The following CCNY variants were observed in gnomAD, a reference collection of about 807,000 sequenced individuals.
The protein encoded by CCNY is cyclin Y.
In CCNY, 19 loss-of-function variants were observed where a neutral mutation model predicts 42.8. That is an observed-to-expected ratio of 0.44 (90% CI 0.31 to 0.65). CCNY has a LOEUF of 0.65. Among genes scored for constraint, CCNY ranks in the 30% least tolerant of loss-of-function variants. The probability of loss-of-function intolerance (pLI) is 0.07; values close to 1 mark genes in which losing one functional copy is unlikely to be tolerated. For synonymous variants in CCNY, 165 were observed against 162.7 expected (o/e 1.01, Z -0.11); for missense variants, 370 against 437.3 (o/e 0.85, Z 1.37).
At chr10:35,275,699 C>G (rs1306890768) in intron 3 of CCNY, among the ~76,000 whole-genome samples, 2 of 151,644 alleles carry the variant, frequency 1.3e-5, no homozygotes, top group African/African-American at 4.8e-5. Flanking sequence ...GGAGGCGGAG[C>G]TTGCAGTGAG....
At chr10:35,374,269 T>A (rs1228203533) in intron 1 of CCNY, among the ~76,000 whole-genome samples, 1 of 152,170 alleles carries the variant, frequency 6.6e-6, no homozygotes, top group Non-Finnish European at 1.5e-5. Context: ...TGGGGTTAAT[T>A]TTTTTTATTA....
At chr10:35,486,283 CAG>C (rs770269471) in intron 2 of CCNY, among the ~76,000 whole-genome samples, 43 of 152,298 alleles carry the variant, frequency 2.8e-4, no homozygotes, top group Non-Finnish European at 4.7e-4. Context: ...TAGCCATAAT[CAG>C]AGTATTTACA....
chr10:35,372,729 C>T (rs1313264231), intron 1 of CCNY, among the ~76,000 whole-genome samples: 1 of 152,168 alleles, frequency 6.6e-6, no homozygotes, highest in Admixed American at 6.5e-5. Flanking sequence ...GACGGAGTTT[C>T]ACTCTTGTTG....
chr10:35,411,251 G>A (rs1173217336), intron 1 of CCNY, among the ~76,000 whole-genome samples: 3 of 152,110 alleles, frequency 2.0e-5, no homozygotes, highest in South Asian at 2.1e-4. Flanking sequence ...GGTGGCTCAC[G>A]CATGTAATCC....
chr10:35,318,637 T>C (rs1422038172), intron 3 of CCNY, among the ~76,000 whole-genome samples: 3 of 152,146 alleles, frequency 2.0e-5, no homozygotes, highest in Non-Finnish European at 4.4e-5. Context: ...TATGTTTCCC[T>C]TTGGTAATAT....
chr10:35,406,619 A>T (rs533011058), intron 1 of CCNY, among the ~76,000 whole-genome samples: 1 of 152,270 alleles, frequency 6.6e-6, no homozygotes, highest in African/African-American at 2.4e-5. Context: ...AAAGTCTCCC[A>T]TGTCTACCTC....
intron 1 of CCNY, among the ~76,000 whole-genome samples, chr10:35,426,073 A>C (rs1838258874): frequency 6.8e-6 from 1 of 147,752 alleles, no homozygotes; most frequent in Admixed American, 6.8e-5. Flanking sequence ...TCCAAATTAA[A>C]CCCTGGCTCC....
intron 1 of CCNY, among the ~76,000 whole-genome samples, chr10:35,365,471 A>G (rs917093600): frequency 6.6e-6 from 1 of 152,096 alleles, no homozygotes; most frequent in African/African-American, 2.4e-5. Context: ...AAAAATGTTG[A>G]ATATTAAAAA....
chr10:35,270,687 C>A (rs913674701), intron 3 of CCNY, among the ~76,000 whole-genome samples: 5 of 151,626 alleles, frequency 3.3e-5, no homozygotes, highest in Non-Finnish European at 5.9e-5. Context: ...AATCTCTACC[C>A]CTTTTCGCAA....
At position 35,412,326 on chromosome 10, in the gene CCNY, C is replaced by T. The variant is rs1247510579; in HGVS notation, c.155-71078C>T. On this transcript the variant is annotated intron_variant, in intron 1 of 9. Transcript: ENST00000374704. ...TGCCTATAAAAAATTAGGCATTGTG[C>T]TAAGGCATGGAGGATTCAGAGATCA... 1.2e-4 allele frequency among the ~76,000 whole-genome samples: 19 copies of T among 152,118 alleles called. 1 individual carries two copies. The highest frequency in any genetic ancestry group is 1.2e-3 in the Admixed American group (19 of 15,272).
intron 8 of CCNY, among the ~76,000 whole-genome samples, chr10:35,556,318 G>A (rs1396283902): frequency 2.0e-5 from 3 of 152,212 alleles, no homozygotes; most frequent in Admixed American, 1.3e-4. Context: ...ATGGGGAGAT[G>A]CAGCTCAGGT....
At chr10:35,372,900 G>C (rs369445728) in intron 1 of CCNY, among the ~76,000 whole-genome samples, 1 of 152,066 alleles carries the variant, frequency 6.6e-6, no homozygotes, top group African/African-American at 2.4e-5. Context: ...GCTTCACCAT[G>C]TTGGCCAGGC....
chr10:35,525,132 A>G (rs949060430), intron 4 of CCNY, among the ~76,000 whole-genome samples: 1 of 152,238 alleles, frequency 6.6e-6, no homozygotes, highest in African/African-American at 2.4e-5. Context: ...CATATGAAGG[A>G]ATATAATCAG....
At chr10:35,566,396 G>A in intron 9 of CCNY, 1 of 547,640 alleles carries the variant, frequency 1.8e-6, no homozygotes, top group East Asian at 3.3e-5. Context: ...CCAGCCTGGA[G>A]TACAGTGGTG....
intron 1 of CCNY, among the ~76,000 whole-genome samples, chr10:35,373,493 T>C (rs954732183): frequency 5.3e-5 from 8 of 152,136 alleles, no homozygotes; most frequent in African/African-American, 1.4e-4. Flanking sequence ...CTAACATGGG[T>C]CTATATATAT....
chr10:35,494,436 T>G (rs202183224), intron 2 of CCNY, among the ~76,000 whole-genome samples: 41 of 152,252 alleles, frequency 2.7e-4, no homozygotes, highest in African/African-American at 8.7e-4. Context: ...CTCCACCATG[T>G]GTCAGGATAG....
intron 1 of CCNY, among the ~76,000 whole-genome samples, chr10:35,344,103 A>G (rs1836246883): frequency 6.6e-6 from 1 of 152,152 alleles, no homozygotes; most frequent in African/African-American, 2.4e-5. Flanking sequence ...GATGTTGAGT[A>G]GTTTGTTGCT....
At chr10:35,420,713 C>CT (rs1041964621) in intron 1 of CCNY, among the ~76,000 whole-genome samples, 7 of 152,110 alleles carry the variant, frequency 4.6e-5, no homozygotes, top group African/African-American at 9.7e-5. Flanking sequence ...ATGAAGTAAA[C>CT]TTTTTTAAAG....
intron 1 of CCNY, among the ~76,000 whole-genome samples, chr10:35,348,296 A>G (rs752507897): frequency 1.3e-5 from 2 of 152,124 alleles, no homozygotes; most frequent in Non-Finnish European, 2.9e-5. Context: ...CATTTCTCCT[A>G]TTTGGTGGTA....
Sources: gnomAD v4.1 joint callset for allele counts (sites outside exome capture counted in the v4.1 genomes callset) on GRCh38, gnomAD v4.1.1 for gene constraint, MANE v1.5 for transcripts, NCBI Gene and HGNC (gene_info 2026-07-23, HGNC 2026-07-21) for gene names.